MALRD1: variants seen among roughly 807,000 people sequenced by gnomAD.
MALRD1 encodes MAM and LDL receptor class A domain containing 1, also known as MAM and LDL-receptor class A domain-containing protein 1.
A neutral mutation model predicts 242.1 loss-of-function variants in MALRD1; 247 were observed. The ratio of observed to expected loss-of-function variants is 1.02; its 90% confidence interval spans 0.92 to 1.13. The LOEUF (loss-of-function observed/expected upper bound fraction) is 1.13, where lower values mean the gene tolerates loss of function less well. MALRD1 is among the 50% of genes most tolerant of loss of function. The pLI, the probability that MALRD1 is intolerant of heterozygous loss-of-function variation, is 0.00. For synonymous variants in MALRD1, 995 were observed against 866.6 expected (o/e 1.15, Z -2.60); for missense variants, 2,989 against 2,533.1 (o/e 1.18, Z -3.86).
rs573962289 is a variant in MALRD1, at chr10:19,375,385, A to G, written c.4442-12143A>G. On this transcript the variant is annotated intron_variant, in intron 26 of 39. Transcript: ENST00000454679. ...TGTAGCTTGATCTAGTGTTGTGTTT[A>G]TTATAGAGAAAGGGTTTTTCTCTGG... Among the ~76,000 whole-genome samples the G allele has an allele frequency of 3.3e-5, 5 of 152,302 alleles. No individual in the cohort carries two copies. The South Asian group carries it at 6.2e-4, about 19-fold the overall frequency.
chr10:19,106,222 T>G (rs1836457357), intron 5 of MALRD1, among the ~76,000 whole-genome samples: 1 of 151,810 alleles, frequency 6.6e-6, no homozygotes, highest in South Asian at 2.1e-4. Flanking sequence ...GATCAATTTG[T>G]TTTTAACTCT....
chr10:19,542,082 T>C (rs1487633970), intron 32 of MALRD1, among the ~76,000 whole-genome samples: 2 of 152,136 alleles, frequency 1.3e-5, no homozygotes, highest in African/African-American at 2.4e-5. Flanking sequence ...TGAAGAGTTA[T>C]GCAACTAAAA....
upstream of MALRD1, among the ~76,000 whole-genome samples, chr10:19,047,240 A>G (rs552062952): frequency 1.1e-3 from 169 of 152,290 alleles, 4 homozygotes; most frequent in Non-Finnish European, 1.8e-3. Context: ...TACTTGGGTA[A>G]TTGGACAGAA....
At chr10:19,316,512 C>A (rs7895683) in intron 21 of MALRD1, among the ~76,000 whole-genome samples, 11,910 of 151,730 alleles carry the variant, frequency 0.078, 1,008 homozygotes, top group African/African-American at 0.22. Flanking sequence ...AATCCCACAC[C>A]AGAACTCTGA....
intron 5 of MALRD1, among the ~76,000 whole-genome samples, chr10:19,122,771 G>A (rs922662940): frequency 1.3e-5 from 2 of 152,012 alleles, no homozygotes; most frequent in African/African-American, 4.8e-5. Context: ...TGTCACCCAG[G>A]GTGGAGTGAA....
At chr10:19,655,566 ATATATG>A (rs1293545917) in intron 36 of MALRD1, among the ~76,000 whole-genome samples, 12 of 131,216 alleles carry the variant, frequency 9.1e-5, no homozygotes, top group Non-Finnish European at 1.6e-4. Context: ...ATATATATAT[ATATATG>A]GAGATAATTT....
chr10:19,208,302 A>G (rs974553969), intron 17 of MALRD1, among the ~76,000 whole-genome samples: 19 of 152,176 alleles, frequency 1.2e-4, no homozygotes, highest in Admixed American at 4.6e-4. Context: ...GCACATACCT[A>G]ACATTAGGGT....
In MALRD1 at chr10:19,595,461, A is replaced by G. The variant is rs1838045279; in HGVS notation, c.5944+4A>G. 1 of 1,546,176 alleles carries G rather than the reference A, an allele frequency of 6.5e-7. No homozygotes were observed. Among genetic ancestry groups the G allele is most frequent in the African/African-American group, 1.4e-5 (1 of 72,926 alleles). On this transcript the variant is annotated splice_donor_region_variant and intron_variant, in intron 34 of 39. Transcript: ENST00000454679. Reference sequence around the variant, plus strand: ...AATGAAGATGAGCTCATCTGCTGTGAGTTATTTTCACTAACTCAATGTGTA... The same window carrying G: ...AATGAAGATGAGCTCATCTGCTGTGGGTTATTTTCACTAACTCAATGTGTA...
In MALRD1 at chr10:19,466,765, A is replaced by G. The variant is rs1050705873; in HGVS notation, c.5029+16275A>G. ...ATGAAATATCTTGGGAATGGGGTCC[A>G]GATCCAAACACAAAATTCACTTATG... On this transcript the variant is annotated intron_variant, in intron 29 of 39. Coordinates refer to ENST00000454679, the MANE Select transcript of MALRD1 (RefSeq NM_001142308.3). Among the ~76,000 whole-genome samples the G allele has an allele frequency of 5.3e-5, 8 of 152,270 alleles. 1 individual carries two copies. Among genetic ancestry groups the G allele is most frequent in the Middle Eastern group, 3.4e-3 (1 of 294 alleles).
At chr10:19,140,474 A>C (rs892445043) in intron 10 of MALRD1, among the ~76,000 whole-genome samples, 1 of 152,048 alleles carries the variant, frequency 6.6e-6, no homozygotes, top group Non-Finnish European at 1.5e-5. Context: ...AGCATTATTC[A>C]AAATATCCAG....
intron 36 of MALRD1, among the ~76,000 whole-genome samples, chr10:19,688,513 G>A (rs1298405332): frequency 6.6e-6 from 1 of 151,988 alleles, no homozygotes; most frequent in Non-Finnish European, 1.5e-5. Flanking sequence ...CTCCCACCTC[G>A]GTCTCCCAAA....
chr10:19,444,060 T>C (rs906185624), intron 28 of MALRD1, among the ~76,000 whole-genome samples: 8 of 152,216 alleles, frequency 5.3e-5, no homozygotes, highest in African/African-American at 1.7e-4. Context: ...TATCGTTATG[T>C]AATGGCCCTC....
chr10:19,304,386 A>C (rs1842080067), intron 21 of MALRD1, among the ~76,000 whole-genome samples: 1 of 151,414 alleles, frequency 6.6e-6, no homozygotes, highest in Admixed American at 6.6e-5. Context: ...ATTAGTCATC[A>C]TCATCATCTA....
At chr10:19,054,329 T>C (rs1188352443) in intron 1 of MALRD1, among the ~76,000 whole-genome samples, 1 of 152,198 alleles carries the variant, frequency 6.6e-6, no homozygotes, top group Non-Finnish European at 1.5e-5. Context: ...TGTGGAATGA[T>C]TAAATCAAGC....
At chr10:19,421,201 CTGTT>C (rs1229676027) in intron 28 of MALRD1, among the ~76,000 whole-genome samples, 1 of 152,096 alleles carries the variant, frequency 6.6e-6, no homozygotes, top group Non-Finnish European at 1.5e-5. Flanking sequence ...TTTGATGCAT[CTGTT>C]TGTGTGTGTA....
At chr10:19,413,887 G>GT (rs1297763792) in intron 28 of MALRD1, among the ~76,000 whole-genome samples, 6 of 151,076 alleles carry the variant, frequency 4.0e-5, no homozygotes, top group African/African-American at 7.3e-5. Flanking sequence ...GGAAGCAGAG[G>GT]TTGCAGTGAG....
intron 2 of MALRD1, among the ~76,000 whole-genome samples, chr10:19,072,029 G>A (rs890548643): frequency 7.9e-5 from 12 of 152,092 alleles, no homozygotes; most frequent in African/African-American, 2.7e-4. Context: ...GACATCAACC[G>A]TATACACGTA....
intron 34 of MALRD1, among the ~76,000 whole-genome samples, chr10:19,604,232 A>T (rs1344220879): frequency 6.6e-6 from 1 of 152,186 alleles, no homozygotes; most frequent in African/African-American, 2.4e-5. Context: ...CTTATTGTGG[A>T]TATGGAGAAA....
At chr10:19,566,922 T>C (rs1836282298) in intron 32 of MALRD1, among the ~76,000 whole-genome samples, 1 of 152,100 alleles carries the variant, frequency 6.6e-6, no homozygotes, top group African/African-American at 2.4e-5. Flanking sequence ...ATCTAGCATG[T>C]ATGTTTGTTG....
Sources: allele counts gnomAD v4.1 joint callset (sites outside exome capture counted in the v4.1 genomes callset), GRCh38; gene constraint gnomAD v4.1.1; transcripts MANE v1.5; gene names NCBI Gene and HGNC (gene_info 2026-07-23, HGNC 2026-07-21).